Variants in SYNJ2 observed in about 807,000 individuals in gnomAD.
SYNJ2 encodes synaptojanin 2.
In SYNJ2, 116 loss-of-function variants were observed where a neutral mutation model predicts 141.3. The observed-to-expected ratio is 0.82, with a 90% CI of 0.71 to 0.96. SYNJ2 has a LOEUF of 0.96. SYNJ2 is among the 40% of genes least tolerant of loss of function. The pLI is 0.00. For synonymous variants in SYNJ2, 745 were observed against 777.7 expected (o/e 0.96, Z 0.70); for missense variants, 1,873 against 1,934.8 (o/e 0.97, Z 0.60).
intron 2 of SYNJ2, among the ~76,000 whole-genome samples, chr6:158,022,690 A>G (rs895302164): frequency 1.3e-5 from 2 of 152,188 alleles, no homozygotes; most frequent in Admixed American, 6.5e-5. Flanking sequence ...TCCACTTGCT[A>G]TGAGATCCTT....
rs1452750826 is a variant in SYNJ2, at chr6:158,027,058, C to A, written c.215-1698C>A. 1.0e-6 allele frequency: 1 copy of A among 985,268 alleles called. No homozygotes were observed. Among genetic ancestry groups the A allele is most frequent in the Non-Finnish European group, 1.2e-6 (1 of 829,928 alleles). 61.0% of individuals were successfully genotyped at this position (985,268 alleles called of 1,614,324 possible). On this transcript the variant is annotated intron_variant, in intron 2 of 26. Coordinates refer to ENST00000355585, the MANE Select transcript of SYNJ2 (RefSeq NM_003898.4). The surrounding 1 kb of genome is among the most constrained non-coding windows in gnomAD (Gnocchi z 4.6). Reference sequence around the variant, plus strand: ...CCCTGCTGGCAGCCCCACCCCATGGCATAGCAGCAGGCCCCTGGGAGCCCT... The same window carrying A: ...CCCTGCTGGCAGCCCCACCCCATGGAATAGCAGCAGGCCCCTGGGAGCCCT...
At chr6:158,075,951 G>A (rs11756320) in intron 16 of SYNJ2, among the ~76,000 whole-genome samples, 57,346 of 150,806 alleles carry the variant, frequency 0.38, 10,932 homozygotes, top group African/African-American at 0.41. Context: ...GGGGGCTCAC[G>A]ACTGTAAGGC....
intron 5 of SYNJ2, among the ~76,000 whole-genome samples, chr6:158,052,561 A>C (rs928956913): frequency 2.0e-5 from 3 of 152,208 alleles, no homozygotes; most frequent in African/African-American, 7.2e-5. Context: ...CCAGTGTGTC[A>C]TATGACGAGG....
chr6:158,062,631 G>A (rs1453703515), intron 8 of SYNJ2, among the ~76,000 whole-genome samples: 3 of 152,174 alleles, frequency 2.0e-5, no homozygotes, highest in East Asian at 1.9e-4. Flanking sequence ...GGAGAAAAAC[G>A]AAGTCCAGTT....
rs17488972 is a variant in SYNJ2, at chr6:158,027,915, C to T, written c.215-841C>T. 9,784 of 152,412 alleles carry T rather than the reference C, an allele frequency of 0.064. 427 individuals carry two copies. Among genetic ancestry groups the T allele is most frequent in the Non-Finnish European group, 0.096 (6,554 of 68,200 alleles). 9.4% of individuals were successfully genotyped at this position (152,412 alleles called of 1,614,324 possible). ...AGCATGTGGGGACGCTCGTGTTCTT[C>T]CAGAGGATGGAATGCTGGGCCCGAA... On this transcript the variant is annotated intron_variant, in intron 2 of 26. Coordinates refer to ENST00000355585, the MANE Select transcript of SYNJ2 (RefSeq NM_003898.4). The surrounding 1 kb of genome is among the most constrained non-coding windows in gnomAD (Gnocchi z 4.6).
chr6:158,086,545 T>C (rs1296810489), intron 22 of SYNJ2, among the ~76,000 whole-genome samples: 1 of 152,214 alleles, frequency 6.6e-6, no homozygotes, highest in Non-Finnish European at 1.5e-5. Flanking sequence ...GGTTGTGGTT[T>C]GCAACTGTCT....
intron 22 of SYNJ2, among the ~76,000 whole-genome samples, chr6:158,086,062 G>T (rs1783016177): frequency 6.6e-6 from 1 of 152,138 alleles, no homozygotes; most frequent in African/African-American, 2.4e-5. Flanking sequence ...CTACCTGGTG[G>T]GCATTGAGAG....
intron 5 of SYNJ2, among the ~76,000 whole-genome samples, chr6:158,046,754 G>A (rs1780256836): frequency 6.6e-6 from 1 of 152,116 alleles, no homozygotes; most frequent in South Asian, 2.1e-4. Flanking sequence ...CGTGTAAATG[G>A]GCTGTGCAGT....
At chr6:158,039,163 C>T (rs1779799464) in intron 4 of SYNJ2, among the ~76,000 whole-genome samples, 1 of 152,256 alleles carries the variant, frequency 6.6e-6, no homozygotes, top group Non-Finnish European at 1.5e-5. Context: ...TCTGGAGTCA[C>T]TGAATATTTT....
rs1331016060 is a variant in SYNJ2 at position 158,043,680 on chromosome 6, C to T, written c.795+281C>T. 6.6e-6 allele frequency among the ~76,000 whole-genome samples: 1 copy of T among 152,164 alleles called. No homozygotes were observed. The highest frequency in any genetic ancestry group is 1.5e-5 in the Non-Finnish European group (1 of 68,028). ...CTCGGGAACGGTGCTGCGGTGCCTG[C>T]TGAGTGGGTGCCGCGAAGTGAGCTT... On this transcript the variant is annotated intron_variant, in intron 5 of 26. Coordinates refer to ENST00000355585, the MANE Select transcript of SYNJ2 (RefSeq NM_003898.4). This position sits in a 1 kb window ranked among gnomAD's most constrained non-coding sequence, Gnocchi z 4.0.
chr6:158,053,009 C>CT (rs1475996053), intron 5 of SYNJ2, among the ~76,000 whole-genome samples: 2 of 152,204 alleles, frequency 1.3e-5, no homozygotes, highest in African/African-American at 4.8e-5. Flanking sequence ...GCATCTGTTC[C>CT]TCGGCTTTCT....
chr6:158,047,171 G>C (rs988710927), intron 5 of SYNJ2, among the ~76,000 whole-genome samples: 9 of 152,156 alleles, frequency 5.9e-5, no homozygotes, highest in African/African-American at 2.2e-4. Flanking sequence ...TGGATGAAGG[G>C]CAAGAGTCGA....
At chr6:158,058,247 A>C (rs1342529969) in intron 6 of SYNJ2, among the ~76,000 whole-genome samples, 1 of 152,220 alleles carries the variant, frequency 6.6e-6, no homozygotes, top group Non-Finnish European at 1.5e-5. Flanking sequence ...TTAGGCATAA[A>C]GATTGCACCA....
intron 3 of SYNJ2, among the ~76,000 whole-genome samples, chr6:158,029,780 T>A (rs1676528952): frequency 2.0e-5 from 3 of 152,150 alleles, no homozygotes; most frequent in Non-Finnish European, 4.4e-5. Context: ...CTAAGATCTC[T>A]CTGCTGGTAA....
chr6:158,072,562 G>A (rs1782001276), intron 15 of SYNJ2, among the ~76,000 whole-genome samples: 1 of 152,134 alleles, frequency 6.6e-6, no homozygotes, highest in Non-Finnish European at 1.5e-5. Context: ...GCTCTTCCCT[G>A]TGAGAACAGA....
At chr6:158,075,055 C>G (rs940031943) in intron 16 of SYNJ2, among the ~76,000 whole-genome samples, 5 of 151,962 alleles carry the variant, frequency 3.3e-5, no homozygotes, top group African/African-American at 1.2e-4. Flanking sequence ...CCTCAGCCTC[C>G]CGAGTAGCTG....
chr6:158,020,567 A>G (rs1348068230), intron 2 of SYNJ2, among the ~76,000 whole-genome samples: 1 of 151,272 alleles, frequency 6.6e-6, no homozygotes, highest in Non-Finnish European at 1.5e-5. Flanking sequence ...GACTCCAACT[A>G]TATGACTGAC....
At position 158,096,248 on chromosome 6, in the gene SYNJ2, G is replaced by C. The variant is rs751997414; in HGVS notation, c.4375G>C (p.Ala1459Pro). Residue 1459 changes from alanine (A) to proline (P), a missense_variant, in exon 27 of 27, where the codon GCC (alanine) becomes CCC (proline). By Grantham distance (27) the Ala-to-Pro change is conservative. Coordinates refer to ENST00000355585, the MANE Select transcript of SYNJ2 (RefSeq NM_003898.4). ...IDPVSAGASA[A>P]KAELPPDHEH... The stretch of plus-strand genomic sequence containing the variant: ...CCCAGTGTCAGCTGGCGCTTCAGCT[G>C]CCAAGGCAGAGCTGCCACCAGATCA... 2 of 1,614,238 alleles carry C rather than the reference G, an allele frequency of 1.2e-6. No homozygotes were observed. Among genetic ancestry groups the C allele is most frequent in the East Asian group, 4.5e-5 (2 of 44,892 alleles).
chr6:158,025,566 A>G (rs1018153496), intron 2 of SYNJ2, among the ~76,000 whole-genome samples: 3 of 152,188 alleles, frequency 2.0e-5, no homozygotes, highest in African/African-American at 4.8e-5. Context: ...AGGCTGAGGC[A>G]AGAGAATTAC....
Sources: gnomAD v4.1 joint callset for allele counts (sites outside exome capture counted in the v4.1 genomes callset) on GRCh38, gnomAD v4.1.1 for gene constraint, Gnocchi (gnomAD v3.1) non-coding constraint, MANE v1.5 for transcripts, NCBI Gene and HGNC (gene_info 2026-07-23, HGNC 2026-07-21) for gene names.